The following CFAP44 variants were observed in gnomAD, a reference collection of about 807,000 sequenced individuals.
CFAP44 encodes the protein cilia- and flagella-associated protein 44.
In CFAP44, 134 loss-of-function variants were observed where a neutral mutation model predicts 216.2. The observed-to-expected ratio is 0.62, with a 90% CI of 0.54 to 0.72. The LOEUF (loss-of-function observed/expected upper bound fraction) is 0.72. Ranked by LOEUF, CFAP44 falls within the 30% of genes least tolerant of loss-of-function variation. The pLI, the probability that CFAP44 is intolerant of heterozygous loss-of-function variation, is 0.00. For synonymous variants in CFAP44, 700 were observed against 727.6 expected, an observed-to-expected ratio of 0.96 and a Z score of 0.61; for missense variants, 2,035 against 2,182.1, an observed-to-expected ratio of 0.93 and a Z score of 1.34.
chr3:113,342,057 T>C lies in CFAP44; in HGVS notation c.3263-139A>G, dbSNP rs1950337947. ...AATCAAAGTATTTATTGAGCACTAG[T>C]TGTGGTGGCTCTTGCCTGTAATCCC... On this transcript the variant is annotated intron_variant, in intron 23 of 34. Coordinates refer to ENST00000393845, the MANE Select transcript of CFAP44 (RefSeq NM_001164496.2). 6 of 1,065,844 alleles carry C rather than the reference T, an allele frequency of 5.6e-6. No individual in the cohort carries two copies. In the East Asian group the frequency reaches 1.5e-4, roughly 26 times the overall value. 66.0% of individuals were successfully genotyped at this position (1,065,844 alleles called of 1,614,324 possible).
chr3:113,355,142 G>A (rs1233060691), intron 22 of CFAP44, among the ~76,000 whole-genome samples: 2 of 152,090 alleles, frequency 1.3e-5, no homozygotes, highest in Non-Finnish European at 2.9e-5. Flanking sequence ...GGTGATGGGT[G>A]CACCAAAATC....
At chr3:113,428,779 G>A (rs1004149960) in intron 2 of CFAP44, 8 of 152,190 alleles carry the variant, frequency 5.3e-5, no homozygotes, top group African/African-American at 1.7e-4. Flanking sequence ...AGGTGACCAA[G>A]GAGAAAGGAA....
intron 1 of CFAP44, among the ~76,000 whole-genome samples, chr3:113,438,028 C>T (rs1164172527): frequency 6.6e-6 from 1 of 152,198 alleles, no homozygotes; most frequent in African/African-American, 2.4e-5. Flanking sequence ...TTTGACTGCA[C>T]TTTGCAATCA....
intron 28 of CFAP44, among the ~76,000 whole-genome samples, chr3:113,317,859 C>T (rs556891689): frequency 6.6e-6 from 1 of 152,284 alleles, no homozygotes; most frequent in Non-Finnish European, 1.5e-5. Flanking sequence ...CCTGGAACAC[C>T]CAACAACAAC....
intron 28 of CFAP44, among the ~76,000 whole-genome samples, chr3:113,324,998 A>G (rs1376326466): frequency 6.6e-6 from 1 of 152,170 alleles, no homozygotes; most frequent in East Asian, 1.9e-4. Flanking sequence ...AAAATACAGT[A>G]TCATTTAAAA....
intron 22 of CFAP44, among the ~76,000 whole-genome samples, chr3:113,349,103 G>C (rs1369203087): frequency 3.3e-5 from 5 of 152,124 alleles, no homozygotes; most frequent in African/African-American, 1.2e-4. Context: ...GTTGACCTGT[G>C]TTCTAGAAGG....
Position 113,396,641 on chromosome 3 carries a change from C to T in CFAP44, c.1656G>A (p.Thr552=), listed in dbSNP as rs377529770. The part of the protein sequence containing the change: ...ILELYDPKGL[T]IFAGRKKILD... ...AAATTTTCTTCCGTCCCGCAAAAAT[C>T]GTGAGCCCTTTTGGATCATAAAGTT... The change falls in exon 14 of 35, where the codon ACG becomes ACA. Residue 552 remains threonine, a synonymous_variant. Coordinates refer to ENST00000393845, the MANE Select transcript of CFAP44 (RefSeq NM_001164496.2). The T allele has an allele frequency of 1.7e-5, 27 of 1,613,988 alleles. No homozygotes were observed. The highest frequency in any genetic ancestry group is 2.2e-5 in the Non-Finnish European group (26 of 1,180,020).
At chr3:113,326,313 T>C (rs1950189121) in intron 28 of CFAP44, 132 bp downstream of exon 28, 1 of 769,182 alleles carries the variant, frequency 1.3e-6, no homozygotes, top group Non-Finnish European at 1.9e-6. Flanking sequence ...TTCTCCTCTT[T>C]AGCCCCCACA....
intron 3 of CFAP44, 53 bp downstream of exon 3, chr3:113,427,134 G>T: frequency 6.4e-7 from 1 of 1,562,534 alleles, no homozygotes; most frequent in African/African-American, 1.4e-5. Context: ...CATTTGTCTG[G>T]GCTTTGTCTC....
intron 26 of CFAP44, among the ~76,000 whole-genome samples, chr3:113,328,111 GCTCT>G (rs1228167096): frequency 1.3e-5 from 2 of 151,788 alleles, no homozygotes; most frequent in African/African-American, 2.4e-5. Flanking sequence ...TAGCTTATGA[GCTCT>G]CTGAGTGGGT....
At position 113,296,775 on chromosome 3, in the gene CFAP44, T is replaced by A. The variant is rs981062805; in HGVS notation, c.5188A>T (p.Arg1730Ter). 5.2e-6 allele frequency: 8 copies of A among 1,537,730 alleles called. No individual in the cohort carries two copies. In the African/African-American group the frequency reaches 9.6e-5, roughly 18 times the overall value. Residue 1730 changes from arginine to a stop codon, truncating the protein, a stop_gained, in exon 33 of 35, where the codon AGA becomes TGA. Transcript: ENST00000393845. LOFTEE classifies it high-confidence loss of function. ...VNTTLEELKIRKLRKELANAK... is the reference protein window; with the variant it reads ...VNTTLEELKI ...TTTGCTAGCTCCTTTCGAAGTTTTCTGATCTTCAGTTCTTCAAGTGTTGTA... is the reference window on the plus strand; with the variant it reads ...TTTGCTAGCTCCTTTCGAAGTTTTCAGATCTTCAGTTCTTCAAGTGTTGTA...
chr3:113,365,576 A>T (rs922940833), intron 19 of CFAP44, among the ~76,000 whole-genome samples: 10 of 152,160 alleles, frequency 6.6e-5, no homozygotes, highest in Admixed American at 6.5e-4. Flanking sequence ...TTTATACTGA[A>T]TCTTTAATCA....
chr3:113,333,766 T>A (rs1950259452), intron 24 of CFAP44, among the ~76,000 whole-genome samples, 183 bp from the exon 25 acceptor site: 1 of 152,196 alleles, frequency 6.6e-6, no homozygotes, highest in South Asian at 2.1e-4. Flanking sequence ...TTTTAAAGTA[T>A]CCCAAGCAAA....
In CFAP44 at chr3:113,287,922, T is replaced by G. The variant is rs1032104755; in HGVS notation, c.*3635A>C. Reference sequence around the variant, plus strand: ...TGCCAGAGTAGTTGACTCACTAGTTTAAAATCAACATTTACTTACTGTTGT... The same window carrying G: ...TGCCAGAGTAGTTGACTCACTAGTTGAAAATCAACATTTACTTACTGTTGT... On this transcript the variant is annotated 3_prime_UTR_variant, in exon 35 of 35. Coordinates refer to ENST00000393845, the MANE Select transcript of CFAP44 (RefSeq NM_001164496.2). 2.0e-5 allele frequency: 3 copies of G among 152,362 alleles called. No individual in the cohort carries two copies. Among genetic ancestry groups the G allele is most frequent in the Non-Finnish European group, 2.9e-5 (2 of 68,034 alleles). 9.4% of individuals were successfully genotyped at this position (152,362 alleles called of 1,614,324 possible).
chr3:113,426,930 G>A, intron 3 of CFAP44: 1 of 415,274 alleles, frequency 2.4e-6, no homozygotes, highest in Non-Finnish European at 4.2e-6. Context: ...CCACTAATCT[G>A]TAGTGGAGCA....
At chr3:113,320,216 G>T (rs1349767562) in intron 28 of CFAP44, among the ~76,000 whole-genome samples, 2 of 147,820 alleles carry the variant, frequency 1.4e-5, no homozygotes, top group African/African-American at 5.1e-5. Context: ...AATTGAGGAG[G>T]TATATTAGTC....
intron 17 of CFAP44, among the ~76,000 whole-genome samples, chr3:113,376,470 T>C (rs1385211771): frequency 6.6e-6 from 1 of 152,208 alleles, no homozygotes; most frequent in African/African-American, 2.4e-5. Flanking sequence ...AAGGCCGCAC[T>C]CTGGAGTATT....
In CFAP44 at chr3:113,296,853, T is replaced by G. The variant is rs1022267617; in HGVS notation, c.5110A>C (p.Ser1704Arg). ...MEETVRQLMI[S>R]KFGRVVNLEA... Reference sequence around the variant, plus strand: ...AGATTTACCACACGGCCAAACTTGCTGATCATGAGCTGCCGGACTGTTTCC... The same window carrying G: ...AGATTTACCACACGGCCAAACTTGCGGATCATGAGCTGCCGGACTGTTTCC... The change falls in exon 33 of 35, where the codon AGC becomes CGC. Residue 1704 changes from serine (S) to arginine (R), a missense_variant. This residue lies in a region of CFAP44 where 1,883 missense variants were observed against 2,023.7 expected (regional missense o/e 0.93). Coordinates refer to ENST00000393845, the MANE Select transcript of CFAP44 (RefSeq NM_001164496.2). 1 of 1,537,244 alleles carries G rather than the reference T, an allele frequency of 6.5e-7. No homozygotes were observed. Among genetic ancestry groups the G allele is most frequent in the Non-Finnish European group, 8.7e-7 (1 of 1,146,940 alleles).
chr3:113,402,413 G>A (rs989215119), intron 9 of CFAP44, among the ~76,000 whole-genome samples: 1 of 152,214 alleles, frequency 6.6e-6, no homozygotes, highest in Non-Finnish European at 1.5e-5. Flanking sequence ...ACTATAGGAA[G>A]AGTGAAGGAG....
Sources: allele counts gnomAD v4.1 joint callset (sites outside exome capture counted in the v4.1 genomes callset), GRCh38; gene constraint gnomAD v4.1.1; regional missense constraint gnomAD v4.1.1; transcripts MANE v1.5; gene names NCBI Gene and HGNC (gene_info 2026-07-23, HGNC 2026-07-21).